Variants in TRIM2 observed in about 807,000 individuals in gnomAD.
TRIM2 encodes the protein tripartite motif containing 2, also known as tripartite motif-containing protein 2.
Under a neutral mutation model 75.2 loss-of-function variants are expected in TRIM2, and 20 were observed. The observed-to-expected ratio is 0.27, with a 90% confidence interval of 0.19 to 0.39. The LOEUF (loss-of-function observed/expected upper bound fraction) is 0.39. TRIM2 is among the 10% of genes least tolerant of loss of function. The pLI, the probability that TRIM2 is intolerant of heterozygous loss-of-function variation, is 1.00. For missense variants in TRIM2, 660 were observed against 990.8 expected (o/e 0.67, Z 4.48); for synonymous variants, 373 against 388.3 (o/e 0.96, Z 0.46).
At position 153,334,983 on chromosome 4, in the gene TRIM2, A is replaced by G. The variant is rs956275622; in HGVS notation, c.*17A>G. Reference sequence around the variant, plus strand: ...TTACAGTAATGGTGGGCAGGTGGATACCCGCTTCCATGGTCTTGCACTATA... The same window carrying G: ...TTACAGTAATGGTGGGCAGGTGGATGCCCGCTTCCATGGTCTTGCACTATA... On this transcript the variant is annotated 3_prime_UTR_variant, in exon 12 of 12. Coordinates refer to ENST00000338700, the MANE Select transcript of TRIM2 (RefSeq NM_015271.5). The G allele has an allele frequency of 6.2e-7, 1 of 1,604,864 alleles. No homozygotes were observed. The highest frequency in any genetic ancestry group is 1.3e-5 in the African/African-American group (1 of 74,786).
chr4:153,178,079 G>C (rs1031717201), intron 1 of TRIM2, among the ~76,000 whole-genome samples: 1 of 152,110 alleles, frequency 6.6e-6, no homozygotes, highest in Non-Finnish European at 1.5e-5. Context: ...TGGGATTACA[G>C]CTGTGAGCCA....
intron 7 of TRIM2, 21 bp downstream of exon 7, chr4:153,315,609 C>G: frequency 6.5e-7 from 1 of 1,547,428 alleles, no homozygotes; most frequent in Non-Finnish European, 8.8e-7. Flanking sequence ...TAATTATATA[C>G]CTTTAACTAC....
At chr4:153,260,767 G>A (rs905714261) in intron 1 of TRIM2, among the ~76,000 whole-genome samples, 22 of 132,584 alleles carry the variant, frequency 1.7e-4, no homozygotes, top group African/African-American at 3.9e-4. Flanking sequence ...TCATCATCAG[G>A]AAAGATAATG....
chr4:153,171,435 A>C (rs1230546259), intron 1 of TRIM2, among the ~76,000 whole-genome samples: 1 of 152,060 alleles, frequency 6.6e-6, no homozygotes, highest in African/African-American at 2.4e-5. Flanking sequence ...AAAATACAAA[A>C]ATTAGCCAGG....
At chr4:153,226,292 G>C (rs570415536) in intron 1 of TRIM2, among the ~76,000 whole-genome samples, 1 of 152,124 alleles carries the variant, frequency 6.6e-6, no homozygotes, top group Non-Finnish European at 1.5e-5. Flanking sequence ...TATGCAGAAG[G>C]GCTGGCCCAA....
At chr4:153,204,143 T>C (rs1435814838), upstream of TRIM2, among the ~76,000 whole-genome samples, 4 of 152,126 alleles carry the variant, frequency 2.6e-5, no homozygotes, top group Non-Finnish European at 4.4e-5. Context: ...TAAAAATACA[T>C]ATTATTATGT....
In TRIM2 at chr4:153,280,825, C is replaced by T. The variant is rs141252822; in HGVS notation, c.453+4695C>T. ...TCAGCCGCCCGAGTAGCTGGGACTA[C>T]AGATGCCCGCCACCAAACTTGGCTA... On this transcript the variant is annotated intron_variant, in intron 3 of 11. Transcript: ENST00000338700. 9.4e-3 allele frequency among the ~76,000 whole-genome samples: 1,426 copies of T among 152,218 alleles called. 17 individuals carry two copies. Among genetic ancestry groups the T allele is most frequent in the African/African-American group, 0.03 (1,262 of 41,526 alleles).
At chr4:153,323,983 C>A (rs1769566104) in intron 9 of TRIM2, 95 bp from the exon 10 acceptor site, 2 of 953,868 alleles carry the variant, frequency 2.1e-6, no homozygotes, top group South Asian at 1.5e-5. Flanking sequence ...TCTTAAATAA[C>A]TAAGTTAATA....
chr4:153,260,696 C>CACACACACACACACACACACA (rs1560902840), intron 1 of TRIM2, among the ~76,000 whole-genome samples: 1 of 58,010 alleles, frequency 1.7e-5, no homozygotes, highest in African/African-American at 5.8e-5. Context: ...ACCCACCCCC[C>CACACACACACACACACACACA]CCCCCACACA....
chr4:153,174,160 T>A (rs188837656), intron 1 of TRIM2, among the ~76,000 whole-genome samples: 3 of 50,726 alleles, frequency 5.9e-5, no homozygotes, highest in Non-Finnish European at 1.2e-4. Context: ...TGCCTATGGG[T>A]TTTATTTCTC....
chr4:153,312,169 GT>G (rs1766512224), intron 6 of TRIM2, among the ~76,000 whole-genome samples: 1 of 149,928 alleles, frequency 6.7e-6, no homozygotes, highest in Non-Finnish European at 1.5e-5. Context: ...GTGGTGTTTG[GT>G]TTTTTGTTCT....
intron 1 of TRIM2, among the ~76,000 whole-genome samples, chr4:153,220,560 A>G (rs1330732569): frequency 6.6e-6 from 1 of 152,356 alleles, no homozygotes; most frequent in Middle Eastern, 3.4e-3. Context: ...TGAGAACTCA[A>G]CAATAAAAGA....
chr4:153,166,356 T>C (rs1460434650), intron 1 of TRIM2, among the ~76,000 whole-genome samples: 1 of 152,218 alleles, frequency 6.6e-6, no homozygotes, highest in East Asian at 1.9e-4. Context: ...TAACACTTGA[T>C]TGGAGTCTTT....
intron 2 of TRIM2, among the ~76,000 whole-genome samples, chr4:153,271,058 A>T (rs558623764): frequency 6.6e-6 from 1 of 152,214 alleles, no homozygotes. Flanking sequence ...AATTTGCTGT[A>T]TGTGAAAACA....
At chr4:153,292,961 C>A in intron 3 of TRIM2, 21 bp from the exon 4 acceptor site, 1 of 1,586,144 alleles carries the variant, frequency 6.3e-7, no homozygotes. Flanking sequence ...GAACCAGGAA[C>A]TTTTCTTGTG....
chr4:153,257,298 G>GTTT (rs930517192), intron 1 of TRIM2: 3 of 567,590 alleles, frequency 5.3e-6, no homozygotes, highest in Non-Finnish European at 7.2e-6. Flanking sequence ...TGACTCAGAG[G>GTTT]GAAAGCAAGC....
In TRIM2 at chr4:153,336,358, A is replaced by C. The variant is rs77897125; in HGVS notation, c.*1392A>C. The C allele has an allele frequency of 0.024, 21,520 of 912,006 alleles. 306 individuals are homozygous for C. The highest frequency in any genetic ancestry group is 0.13 in the South Asian group (2,467 of 19,546). The allele number at this position is 912,006 out of a possible 1,614,324, so 56.5% of individuals were successfully genotyped here. A position where few individuals can be genotyped will look rare whatever the true frequency, so the allele number is the denominator to read the frequency against. On this transcript the variant is annotated 3_prime_UTR_variant, in exon 12 of 12. Transcript: ENST00000338700. ...GCCTTCTGTGCTTTCAAAAAAAAAA[A>C]CAAAAAAAAAACCACACACACACAT...
intron 1 of TRIM2, among the ~76,000 whole-genome samples, chr4:153,171,063 A>C (rs140099593): frequency 6.6e-6 from 1 of 152,176 alleles, no homozygotes; most frequent in Non-Finnish European, 1.5e-5. Context: ...TTTAGTAAGG[A>C]TGGGTTGCTA....
chr4:153,244,765 G>T (rs1748669361), intron 1 of TRIM2, among the ~76,000 whole-genome samples: 1 of 152,080 alleles, frequency 6.6e-6, no homozygotes, highest in Admixed American at 6.5e-5. Context: ...TTCCTACATT[G>T]CAGGAGAAAG....
Sources: gnomAD v4.1 joint callset for allele counts (sites outside exome capture counted in the v4.1 genomes callset) on GRCh38, gnomAD v4.1.1 for gene constraint, MANE v1.5 for transcripts, NCBI Gene and HGNC (gene_info 2026-07-23, HGNC 2026-07-21) for gene names.